The following TRAF2 variants were observed in gnomAD, a reference collection of about 807,000 sequenced individuals.
TRAF2 encodes the protein TNF receptor-associated factor 2.
TRAF2 carries 6 observed loss-of-function variants against 55.6 expected under a neutral mutation model. The observed-to-expected ratio is 0.11, with a 90% CI of 0.06 to 0.21. The LOEUF (loss-of-function observed/expected upper bound fraction) is 0.21. Ranked by LOEUF, TRAF2 falls within the 10% of genes least tolerant of loss-of-function variation. TRAF2 has a pLI of 1.00. For missense variants in TRAF2, 561 were observed against 684.5 expected (o/e 0.82, Z 2.01); for synonymous variants, 329 against 276.3 (o/e 1.19, Z -1.89).
At chr9:136,885,953 G>A (rs1849435979), upstream of TRAF2, 1 of 152,234 alleles carries the variant, frequency 6.6e-6, no homozygotes, top group Non-Finnish European at 1.5e-5. Flanking sequence ...CCCAAATTGA[G>A]GCGCCGCTCT....
intron 5 of TRAF2, among the ~76,000 whole-genome samples, chr9:136,908,609 G>C (rs370114129): frequency 6.6e-6 from 1 of 152,130 alleles, no homozygotes; most frequent in Non-Finnish European, 1.5e-5. Context: ...GTTCATGCCT[G>C]TAATCCCAGC....
At chr9:136,899,528 C>G (rs1293191990) in intron 2 of TRAF2, 66 bp from the exon 3 acceptor site, 4 of 1,493,264 alleles carry the variant, frequency 2.7e-6, no homozygotes, top group Non-Finnish European at 3.7e-6. Context: ...TGAACTGAAG[C>G]AAATGGTGTT....
At chr9:136,900,834 G>T (rs1849804423) in intron 4 of TRAF2, among the ~76,000 whole-genome samples, 1 of 152,184 alleles carries the variant, frequency 6.6e-6, no homozygotes, top group South Asian at 2.1e-4. Context: ...TGGCTGTGAG[G>T]GTTGGAGGTG....
intron 1 of TRAF2, among the ~76,000 whole-genome samples, chr9:136,896,874 CTGAGATTACAGGCG>C (rs1849691555): frequency 1.3e-5 from 2 of 152,216 alleles, no homozygotes; most frequent in South Asian, 4.1e-4. Flanking sequence ...TCCCAAAGTG[CTGAGATTACAGGCG>C]TGAGAGTTGT....
At chr9:136,893,388 G>T (rs750342901) in intron 1 of TRAF2, among the ~76,000 whole-genome samples, 10 of 152,206 alleles carry the variant, frequency 6.6e-5, no homozygotes, top group African/African-American at 2.4e-4. Context: ...GCTGGCTTTG[G>T]GGGGCAGACA....
At chr9:136,903,797 C>G (rs1849881089) in intron 4 of TRAF2, among the ~76,000 whole-genome samples, 1 of 152,114 alleles carries the variant, frequency 6.6e-6, no homozygotes, top group Non-Finnish European at 1.5e-5. Flanking sequence ...TTCTTCCTGC[C>G]TCAGCCTCCT....
chr9:136,892,409 A>G lies in TRAF2; in HGVS notation c.-29+5868A>G, dbSNP rs1450939957. Among the ~76,000 whole-genome samples, 3 of 151,392 alleles carry G rather than the reference A, an allele frequency of 2.0e-5. No homozygotes were observed. The East Asian group carries it at 6.0e-4, about 30-fold the overall frequency. On this transcript the variant is annotated intron_variant, in intron 1 of 10. Transcript: ENST00000247668. ...AACCTGGGCGGTGGAGGTTGCAGTG[A>G]GCCAAGATCGCGCCACTGCACTCCC...
intron 1 of TRAF2, 144 bp downstream of exon 1, chr9:136,886,685 G>A (rs972651409): frequency 4.5e-6 from 2 of 447,550 alleles, no homozygotes; most frequent in African/African-American, 4.3e-5. Flanking sequence ...GAGGCCGCGG[G>A]GCGGGGGCGG....
In TRAF2 at chr9:136,921,170, C is replaced by T; in HGVS notation, c.1093C>T (p.Arg365Cys). 7 of 1,614,002 alleles carry T rather than the reference C, an allele frequency of 4.3e-6. No homozygotes were observed. Among genetic ancestry groups the T allele is most frequent in the African/African-American group, 1.3e-5 (1 of 75,048 alleles). ...IWKISDFARK[R>C]QEAVAGRIPA... is the part of the protein sequence containing the mutation. The stretch of plus-strand genomic sequence containing the variant: ...GAAGATCTCAGACTTCGCCAGGAAG[C>T]GCCAGGAAGCTGTGGCTGGCCGCAT... Residue 365 changes from arginine (R) to cysteine (C), a missense_variant, in exon 9 of 11, where the codon CGC becomes TGC. Around this residue, in one of 2 missense-constraint regions of TRAF2, gnomAD observed 135 missense variants for 207.7 expected, o/e 0.65. Transcript: ENST00000247668.
intron 1 of TRAF2, among the ~76,000 whole-genome samples, chr9:136,895,226 G>T (rs1328187324): frequency 6.6e-6 from 1 of 152,240 alleles, no homozygotes; most frequent in African/African-American, 2.4e-5. Context: ...ACGCCACCGT[G>T]TCGGGCACAC....
At chr9:136,908,347 G>T (rs747754988) in intron 5 of TRAF2, 116 bp downstream of exon 5, 5 of 1,202,116 alleles carry the variant, frequency 4.2e-6, no homozygotes, top group Non-Finnish European at 4.5e-6. Flanking sequence ...CACCCCCTCG[G>T]CCCTTTCCCT....
In TRAF2 at chr9:136,926,161, G is replaced by T. The variant is rs1408993392; in HGVS notation, c.*260G>T. Reference sequence around the variant, plus strand: ...GGTGGCATTGGCCGAGGGTCTTCGGGTGCTTCCCAGCACAAGCTGCCCTTG... The same window carrying T: ...GGTGGCATTGGCCGAGGGTCTTCGGTTGCTTCCCAGCACAAGCTGCCCTTG... On this transcript the variant is annotated 3_prime_UTR_variant, in exon 11 of 11. Coordinates refer to ENST00000247668, the MANE Select transcript of TRAF2 (RefSeq NM_021138.4). The T allele has an allele frequency of 3.1e-6, 2 of 646,702 alleles. No individual in the cohort carries two copies. Among genetic ancestry groups the T allele is most frequent in the Non-Finnish European group, 2.9e-6 (1 of 350,168 alleles). The allele number at this position is 646,702 out of a possible 1,614,324, so 40.1% of individuals were successfully genotyped here. A position where few individuals can be genotyped will look rare whatever the true frequency, so the allele number is the denominator to read the frequency against.
rs940486968 is a variant in TRAF2, at chr9:136,899,584, T to TC, written c.189-6dup. 13 of 1,601,636 alleles carry TC rather than the reference T, an allele frequency of 8.1e-6. No homozygotes were observed. The highest frequency in any genetic ancestry group is 1.1e-5 in the Non-Finnish European group (13 of 1,172,780). ...ACAGTGGGTTGTTTTTTGCCTTTTT[T>TC]CCCCACTAGCTCTGGGCCTCAGAAC... On this transcript the variant is annotated splice_polypyrimidine_tract_variant and intron_variant, in intron 2 of 10. Coordinates refer to ENST00000247668, the MANE Select transcript of TRAF2 (RefSeq NM_021138.4).
chr9:136,915,344 G>A (rs375199665), intron 6 of TRAF2, among the ~76,000 whole-genome samples: 6 of 152,156 alleles, frequency 3.9e-5, no homozygotes, highest in South Asian at 4.2e-4. Flanking sequence ...TGGGAGCACC[G>A]TCTCCCGAGA....
At position 136,898,863 on chromosome 9, in the gene TRAF2, C is replaced by A; in HGVS notation, c.123C>A (p.Leu41=). Residue 41 remains leucine (L), a synonymous_variant, in exon 2 of 11, where the codon CTC becomes CTA. Transcript: ENST00000247668. ...TGTGCTCCGCCTGCAGAAACGTCCT[C>A]CGCAGGCCCTTCCAGGCGCAGTGTG... ...KYLCSACRNV[L]RRPFQAQCGH... The A allele has an allele frequency of 6.2e-7, 1 of 1,613,570 alleles. No individual in the cohort carries two copies. The highest frequency in any genetic ancestry group is 2.2e-5 in the East Asian group (1 of 44,880).
intron 5 of TRAF2, among the ~76,000 whole-genome samples, chr9:136,909,104 C>T (rs1203426972): frequency 6.6e-6 from 1 of 151,976 alleles, no homozygotes; most frequent in African/African-American, 2.4e-5. Context: ...GCATTTTTGT[C>T]TTAGAAAAGT....
chr9:136,907,656 A>G (rs1849986393), intron 4 of TRAF2, among the ~76,000 whole-genome samples: 1 of 151,796 alleles, frequency 6.6e-6, no homozygotes, highest in African/African-American at 2.4e-5. Context: ...GGCAAGACTC[A>G]GCCTGGACCG....
chr9:136,885,748 A>T (rs1204818033), upstream of TRAF2, among the ~76,000 whole-genome samples: 2 of 151,958 alleles, frequency 1.3e-5, no homozygotes, highest in African/African-American at 4.8e-5. Context: ...AGCCTGGGCG[A>T]CAGAGTGAGC....
In TRAF2 at chr9:136,908,003, G is replaced by A; in HGVS notation, c.367-67G>A. The A allele has an allele frequency of 9.1e-6, 14 of 1,542,774 alleles. No homozygotes were observed. In the South Asian group the frequency reaches 1.5e-4, roughly 16 times the overall value. On this transcript the variant is annotated intron_variant, in intron 4 of 10. Transcript: ENST00000247668. ...CAGCGCTACATCGCCTTGTGTCCCC[G>A]GGTGAAGCTGTGGCTGCCCAAATGT... is the stretch of plus-strand genomic sequence containing the variant.
Sources: gnomAD v4.1 joint callset for allele counts (sites outside exome capture counted in the v4.1 genomes callset) on GRCh38, gnomAD v4.1.1 for gene constraint, gnomAD v4.1.1 regional missense constraint, MANE v1.5 for transcripts, NCBI Gene and HGNC (gene_info 2026-07-23, HGNC 2026-07-21) for gene names.